Variants in ATP10A observed in about 807,000 individuals in gnomAD.
The protein encoded by ATP10A is ATPase phospholipid transporting 10A (putative).
ATP10A carries 111 observed loss-of-function variants against 147.8 expected under a neutral mutation model. The observed-to-expected ratio is 0.75, with a 90% CI of 0.64 to 0.88. The LOEUF (loss-of-function observed/expected upper bound fraction) is 0.88, where lower values mean the gene tolerates loss of function less well. Ranked by LOEUF, ATP10A falls within the 40% of genes least tolerant of loss-of-function variation. ATP10A has a pLI of 0.00. For synonymous variants in ATP10A, 875 were observed against 841.6 expected (o/e 1.04, Z -0.69); for missense variants, 1,927 against 1,959.0 (o/e 0.98, Z 0.31).
chr15:25,858,782 G>A (rs183762862), intron 1 of ATP10A, among the ~76,000 whole-genome samples: 152 of 152,206 alleles, frequency 1.0e-3, no homozygotes, highest in Non-Finnish European at 1.9e-3. Flanking sequence ...AGTCGCCTCC[G>A]GTTATTTCCT....
intron 1 of ATP10A, among the ~76,000 whole-genome samples, chr15:25,800,742 G>A (rs918418810): frequency 1.3e-5 from 2 of 152,192 alleles, no homozygotes; most frequent in African/African-American, 2.4e-5. Context: ...CACTCTGGGG[G>A]CCCCTGAGGC....
chr15:25,863,836 C>T (rs1436308589), upstream of ATP10A: 1 of 152,278 alleles, frequency 6.6e-6, no homozygotes, highest in African/African-American at 2.4e-5. Context: ...ACCCCACTTC[C>T]CAGCCCCCAC....
chr15:25,674,005 G>A (rs979963622), downstream of ATP10A, among the ~76,000 whole-genome samples: 4 of 152,198 alleles, frequency 2.6e-5, no homozygotes, highest in East Asian at 7.7e-4. Flanking sequence ...GAGTGTGATG[G>A]GAGACAAGGA....
chr15:25,749,709 T>C (rs954964301), intron 2 of ATP10A, among the ~76,000 whole-genome samples: 2 of 152,156 alleles, frequency 1.3e-5, no homozygotes. Context: ...TTAGAATTTG[T>C]AGAAAATGAC....
chr15:25,763,244 G>A (rs981877375), intron 2 of ATP10A, among the ~76,000 whole-genome samples: 1 of 152,156 alleles, frequency 6.6e-6, no homozygotes, highest in Admixed American at 6.5e-5. Flanking sequence ...TAAATTGCTT[G>A]CCCATGGAAT....
At chr15:25,735,384 C>T (rs1270078705) in intron 3 of ATP10A, among the ~76,000 whole-genome samples, 2 of 152,168 alleles carry the variant, frequency 1.3e-5, no homozygotes, top group Non-Finnish European at 2.9e-5. Flanking sequence ...AATTTTCAAA[C>T]AGACATGAAG....
intron 15 of ATP10A, among the ~76,000 whole-genome samples, chr15:25,689,060 C>T (rs1052595113): frequency 1.2e-4 from 18 of 152,370 alleles, no homozygotes; most frequent in Non-Finnish European, 2.6e-4. Context: ...TGATGGCCTA[C>T]AAGGCCAAAC....
At chr15:25,732,255 A>G (rs1378746816) in intron 3 of ATP10A, among the ~76,000 whole-genome samples, 1 of 151,864 alleles carries the variant, frequency 6.6e-6, no homozygotes, top group African/African-American at 2.4e-5. Context: ...CTTTTTTTTG[A>G]GACTGGGTCT....
chr15:25,782,607 G>A (rs1889976670), intron 1 of ATP10A, among the ~76,000 whole-genome samples: 1 of 152,120 alleles, frequency 6.6e-6, no homozygotes, highest in Non-Finnish European at 1.5e-5. Context: ...CACATTCCAA[G>A]CCACCTGCTT....
Position 25,680,113 on chromosome 15 carries a change from A to C in ATP10A, c.3866+8T>G. Reference sequence around the variant, plus strand: ...GGCTCAGAGGCACTATCCCGCTCCGACACCCACCTGGGCAGCAGTGCAGCG... The same window carrying C: ...GGCTCAGAGGCACTATCCCGCTCCGCCACCCACCTGGGCAGCAGTGCAGCG... On this transcript the variant is annotated splice_region_variant and intron_variant, in intron 20 of 20. Transcript: ENST00000555815. The C allele has an allele frequency of 6.2e-7, 1 of 1,612,866 alleles. No homozygotes were observed. Among genetic ancestry groups the C allele is most frequent in the South Asian group, 1.1e-5 (1 of 91,002 alleles).
chr15:25,745,171 C>A (rs1270467279), intron 2 of ATP10A, among the ~76,000 whole-genome samples: 1 of 151,872 alleles, frequency 6.6e-6, no homozygotes, highest in Non-Finnish European at 1.5e-5. Flanking sequence ...ACTAAAAATA[C>A]AAAAATTAGC....
chr15:25,728,385 T>A (rs6576448), intron 3 of ATP10A, among the ~76,000 whole-genome samples: 136,245 of 152,304 alleles, frequency 0.89, 61,072 homozygotes, highest in East Asian at 1. Context: ...GTGGGGCCAC[T>A]CAAGGGCCGT....
chr15:25,718,523 C>G (rs561918224), intron 7 of ATP10A, 124 bp from the exon 8 acceptor site: 1 of 983,418 alleles, frequency 1.0e-6, no homozygotes, highest in African/African-American at 1.6e-5. Flanking sequence ...GATTCACCAC[C>G]CTTGCTCTCT....
intron 2 of ATP10A, among the ~76,000 whole-genome samples, chr15:25,745,890 T>C (rs1187758984): frequency 6.6e-6 from 1 of 152,136 alleles, no homozygotes; most frequent in African/African-American, 2.4e-5. Flanking sequence ...AAGAAGCATA[T>C]AATTTCCGAA....
intron 1 of ATP10A, among the ~76,000 whole-genome samples, chr15:25,845,663 C>T (rs2140899553): frequency 6.6e-6 from 1 of 152,222 alleles, no homozygotes; most frequent in South Asian, 2.1e-4. Flanking sequence ...CGACACCTCT[C>T]CACTGGCAGC....
At chr15:25,839,674 GTCT>G (rs1034468822) in intron 1 of ATP10A, among the ~76,000 whole-genome samples, 1 of 152,144 alleles carries the variant, frequency 6.6e-6, no homozygotes, top group African/African-American at 2.4e-5. Context: ...AAATTTCCAT[GTCT>G]TCTTCTTATG....
At chr15:25,690,403 T>C (rs572037371) in intron 15 of ATP10A, among the ~76,000 whole-genome samples, 1 of 152,226 alleles carries the variant, frequency 6.6e-6, no homozygotes, top group Non-Finnish European at 1.5e-5. Context: ...GCCACCACGC[T>C]GGGGTTTTTG....
rs1226868614 is a variant in ATP10A at position 25,683,431 on chromosome 15, G to A, written c.3347C>T (p.Thr1116Ile). ...GATTAGATACCACTGGTCAATCATG[G>A]TAGATGCAGAGAAGCCACAGAAAAA... is the stretch of plus-strand genomic sequence containing the variant. Reference protein sequence around the residue: ...FQFFCGFSASTMIDQWYLIFF... With the variant: ...FQFFCGFSASIMIDQWYLIFF... Residue 1116 changes from threonine (T) to isoleucine (I), a missense_variant, in exon 17 of 21, where the codon ACC becomes ATC. Thr to Ile is a moderately conservative substitution (Grantham distance 89). Transcript: ENST00000555815. The A allele has an allele frequency of 7.4e-6, 12 of 1,613,998 alleles. No individual in the cohort carries two copies. In the African/African-American group the frequency reaches 1.1e-4, roughly 14 times the overall value.
chr15:25,681,035 C>A lies in ATP10A; in HGVS notation c.3532G>T (p.Ala1178Ser). The A allele has an allele frequency of 6.2e-7, 1 of 1,614,060 alleles. No individual in the cohort carries two copies. Among genetic ancestry groups the A allele is most frequent in the Non-Finnish European group, 8.5e-7 (1 of 1,179,970 alleles). ...AAGCAAACCAGGCTCTGGAAGGCGG[C>A]GTCGGCCATGTTAAACCAGAACGTT... ...PRTFWFNMAD[A>S]AFQSLVCFSI... The change falls in exon 18 of 21, where the codon GCC (alanine) becomes TCC (serine). Residue 1178 changes from alanine to serine, a missense_variant. Coordinates refer to ENST00000555815, the MANE Select transcript of ATP10A (RefSeq NM_024490.4).
Sources: gnomAD v4.1 joint callset for allele counts (sites outside exome capture counted in the v4.1 genomes callset) on GRCh38, gnomAD v4.1.1 for gene constraint, MANE v1.5 for transcripts, NCBI Gene and HGNC (gene_info 2026-07-23, HGNC 2026-07-21) for gene names.